NIBAN2: variants seen among roughly 807,000 people sequenced by gnomAD.
NIBAN2 encodes the protein protein Niban 2.
Under a neutral mutation model 81.8 loss-of-function variants are expected in NIBAN2, and 36 were observed. That is an observed-to-expected ratio of 0.44 (90% CI 0.34 to 0.58). The LOEUF (loss-of-function observed/expected upper bound fraction) is 0.58. NIBAN2 is among the 20% of genes least tolerant of loss of function. The pLI is 0.02. For synonymous variants in NIBAN2, 445 were observed against 441.6 expected, an observed-to-expected ratio of 1.01 and a Z score of -0.10; for missense variants, 897 against 1,014.1, an observed-to-expected ratio of 0.88 and a Z score of 1.57.
Position 127,563,200 on chromosome 9 carries a change from A to G in NIBAN2, c.55+5620T>C, listed in dbSNP as rs1837802690. ...TAGGCGAGGCCGGCACTCAGGCCCC[A>G]GCAGTGGAAAAGGAACAGAGTCAGG... On this transcript the variant is annotated intron_variant, in intron 1 of 13. Transcript: ENST00000373312. The surrounding 1 kb of genome is among the most constrained non-coding windows in gnomAD (Gnocchi z 4.1). Among the ~76,000 whole-genome samples the G allele has an allele frequency of 6.6e-6, 1 of 152,192 alleles. No individual in the cohort carries two copies. Among genetic ancestry groups the G allele is most frequent in the Non-Finnish European group, 1.5e-5 (1 of 68,042 alleles).
chr9:127,509,968 C>T (rs571150868), intron 9 of NIBAN2, 178 bp downstream of exon 9: 98 of 498,152 alleles, frequency 2.0e-4, no homozygotes, highest in Non-Finnish European at 3.0e-4. Flanking sequence ...GCAGGCCCCA[C>T]GAGGACTCCA....
intron 2 of NIBAN2, 93 bp from the exon 3 acceptor site, chr9:127,527,415 G>T: frequency 8.1e-7 from 1 of 1,236,376 alleles, no homozygotes; most frequent in East Asian, 2.4e-5. Context: ...GCCTGTGTGC[G>T]CACCCCCTGC....
At chr9:127,541,282 C>T (rs1404998888) in intron 1 of NIBAN2, among the ~76,000 whole-genome samples, 1 of 152,208 alleles carries the variant, frequency 6.6e-6, no homozygotes, top group Non-Finnish European at 1.5e-5. Flanking sequence ...CTACTTGCCC[C>T]CCACCTACTG....
chr9:127,573,948 G>A (rs917501545), upstream of NIBAN2, among the ~76,000 whole-genome samples: 3 of 152,096 alleles, frequency 2.0e-5, no homozygotes, highest in African/African-American at 4.8e-5. Context: ...ATGAGCCACC[G>A]TACCCAGCCT....
chr9:127,531,137 G>A lies in NIBAN2; in HGVS notation c.186+511C>T, dbSNP rs544982287. On this transcript the variant is annotated intron_variant, in intron 2 of 13. Coordinates refer to ENST00000373312, the MANE Select transcript of NIBAN2 (RefSeq NM_022833.4). ...TGAGGCTGCAGTGAGGCATGATTGC[G>A]CCACTGCACTCCAGCCTGGGCAACA... Among the ~76,000 whole-genome samples, 281 of 150,654 alleles carry A rather than the reference G, an allele frequency of 1.9e-3. 4 individuals carry two copies. Among genetic ancestry groups the A allele is most frequent in the African/African-American group, 6.5e-3 (266 of 40,888 alleles).
intron 1 of NIBAN2, among the ~76,000 whole-genome samples, chr9:127,540,643 G>T (rs1564310341): frequency 1.3e-5 from 2 of 152,200 alleles, no homozygotes; most frequent in African/African-American, 4.8e-5. Context: ...GCAGAGGTAG[G>T]ATCTGCACCC....
rs1291569138 is a variant in NIBAN2, at chr9:127,559,625, TG to T, written c.55+9194del. Among the ~76,000 whole-genome samples the T allele has an allele frequency of 6.6e-6, 1 of 152,194 alleles. No homozygotes were observed. Among genetic ancestry groups the T allele is most frequent in the East Asian group, 1.9e-4 (1 of 5,196 alleles). ...AAATAGTTCTGCTCAGCATGGGGCATGGGAAAGATGGACAGCAGCTGCAGTT... is the reference window on the plus strand; with the variant it reads ...AAATAGTTCTGCTCAGCATGGGGCATGGAAAGATGGACAGCAGCTGCAGTT... On this transcript the variant is annotated intron_variant, in intron 1 of 13. Transcript: ENST00000373312. The surrounding 1 kb of genome is among the most constrained non-coding windows in gnomAD (Gnocchi z 4.0).
chr9:127,525,560 G>A (rs533985252), intron 3 of NIBAN2, among the ~76,000 whole-genome samples: 228 of 152,298 alleles, frequency 1.5e-3, no homozygotes, highest in Middle Eastern at 3.4e-3. Flanking sequence ...TGTGAGGACT[G>A]AGTGAGATAA....
chr9:127,512,581 C>T (rs996424673), intron 8 of NIBAN2, among the ~76,000 whole-genome samples: 8 of 152,046 alleles, frequency 5.3e-5, no homozygotes, highest in Admixed American at 2.0e-4. Context: ...CTGCTGTGCC[C>T]GGCCCATTTT....
intron 1 of NIBAN2, among the ~76,000 whole-genome samples, chr9:127,553,618 AG>A (rs778829023): frequency 2.6e-5 from 4 of 152,248 alleles, no homozygotes; most frequent in Non-Finnish European, 4.4e-5. Context: ...TAAACACAGC[AG>A]AATGGGGTCT....
chr9:127,535,004 G>A (rs1837248491), intron 1 of NIBAN2, among the ~76,000 whole-genome samples: 1 of 151,980 alleles, frequency 6.6e-6, no homozygotes, highest in African/African-American at 2.4e-5. Flanking sequence ...AGAACCCCAG[G>A]AAGCCAGTGC....
At chr9:127,525,207 C>T in intron 3 of NIBAN2, 44 bp from the exon 4 acceptor site, 1 of 1,500,822 alleles carries the variant, frequency 6.7e-7, no homozygotes, top group Non-Finnish European at 9.3e-7. Flanking sequence ...TAAGGTGCGG[C>T]CAAGCCCAAA....
At chr9:127,512,349 G>A (rs1423451742) in intron 8 of NIBAN2, among the ~76,000 whole-genome samples, 5 of 147,188 alleles carry the variant, frequency 3.4e-5, no homozygotes, top group South Asian at 2.1e-4. Context: ...ATAGTGGCTC[G>A]ATCTCGGCTC....
chr9:127,520,770 G>C (rs575107004), intron 5 of NIBAN2, among the ~76,000 whole-genome samples: 7 of 152,244 alleles, frequency 4.6e-5, no homozygotes, highest in Admixed American at 3.3e-4. Context: ...TGTAGTCCCA[G>C]CTACTCGGGA....
At chr9:127,530,914 C>T (rs1001854657) in intron 2 of NIBAN2, among the ~76,000 whole-genome samples, 1 of 151,954 alleles carries the variant, frequency 6.6e-6, no homozygotes, top group African/African-American at 2.4e-5. Context: ...CATGGTGGCT[C>T]ACGCCTGTAA....
At chr9:127,544,964 G>A (rs1837443829) in intron 1 of NIBAN2, among the ~76,000 whole-genome samples, 1 of 152,196 alleles carries the variant, frequency 6.6e-6, no homozygotes, top group African/African-American at 2.4e-5. Context: ...AACTGAGGCT[G>A]GGGAAATGGG....
chr9:127,546,642 C>T (rs1837476658), intron 1 of NIBAN2, among the ~76,000 whole-genome samples: 1 of 152,178 alleles, frequency 6.6e-6, no homozygotes, highest in African/African-American at 2.4e-5. Flanking sequence ...CCATGTCCTC[C>T]ATCAGCCAGC....
intron 1 of NIBAN2, among the ~76,000 whole-genome samples, chr9:127,532,178 G>C (rs1837196698): frequency 6.6e-6 from 1 of 152,192 alleles, no homozygotes; most frequent in African/African-American, 2.4e-5. Flanking sequence ...CCACCTCTAG[G>C]AATCTACCCC....
upstream of NIBAN2, among the ~76,000 whole-genome samples, chr9:127,571,416 G>T (rs898151453): frequency 2.0e-5 from 3 of 152,132 alleles, no homozygotes; most frequent in Non-Finnish European, 4.4e-5. Flanking sequence ...GTGGAAAGGC[G>T]GCCGGGCGCA....
Sources: gnomAD v4.1 joint callset for allele counts (sites outside exome capture counted in the v4.1 genomes callset) on GRCh38, gnomAD v4.1.1 for gene constraint, Gnocchi (gnomAD v3.1) non-coding constraint, MANE v1.5 for transcripts, NCBI Gene and HGNC (gene_info 2026-07-23, HGNC 2026-07-21) for gene names.